Variants in LRRIQ1 observed in about 807,000 individuals in gnomAD.
LRRIQ1 encodes the protein leucine-rich repeat- and IQ domain-containing protein 1.
In LRRIQ1, 210 loss-of-function variants were observed where a neutral mutation model predicts 211.9. That is an observed-to-expected ratio of 0.99 (90% CI 0.89 to 1.11). LRRIQ1 has a LOEUF of 1.11. Among genes scored for constraint, LRRIQ1 ranks in the 50% most tolerant of loss-of-function variants. LRRIQ1 has a pLI of 0.00. For synonymous variants in LRRIQ1, 699 were observed against 650.1 expected (o/e 1.08, Z -1.14); for missense variants, 2,136 against 1,939.5 (o/e 1.10, Z -1.90).
Position 85,240,153 on chromosome 12 carries a change from A to G in LRRIQ1, c.5017-4636A>G, listed in dbSNP as rs149676679. On this transcript the variant is annotated intron_variant, in intron 26 of 26. Transcript: ENST00000393217. ...AGACACAATTCAGAAAATAAACAGA[A>G]ATGAAAAGTCAAACCACATTATCGG... 4.1e-3 allele frequency among the ~76,000 whole-genome samples: 619 copies of G among 152,248 alleles called. 2 individuals are homozygous for G. Among genetic ancestry groups the G allele is most frequent in the African/African-American group, 0.014 (589 of 41,550 alleles).
intron 11 of LRRIQ1, among the ~76,000 whole-genome samples, chr12:85,080,948 A>T (rs1379242419): frequency 1.3e-5 from 2 of 152,010 alleles, no homozygotes; most frequent in Non-Finnish European, 2.9e-5. Context: ...CTAGTATATT[A>T]TTATTTTCCT....
intron 16 of LRRIQ1, among the ~76,000 whole-genome samples, chr12:85,122,410 T>A (rs1248900225): frequency 6.6e-6 from 1 of 152,108 alleles, no homozygotes. Flanking sequence ...GTAATCAGAA[T>A]CAAATGTTGA....
At chr12:85,132,685 C>T (rs1054867708) in intron 18 of LRRIQ1, among the ~76,000 whole-genome samples, 4 of 151,702 alleles carry the variant, frequency 2.6e-5, no homozygotes, top group African/African-American at 9.7e-5. Flanking sequence ...TCTCTTGAGC[C>T]CGGATGGTCA....
chr12:85,118,197 G>T (rs1220612979), intron 15 of LRRIQ1, among the ~76,000 whole-genome samples: 1 of 152,014 alleles, frequency 6.6e-6, no homozygotes, highest in Admixed American at 6.6e-5. Context: ...ATTCCTTTGT[G>T]GCAAATAGGG....
intron 24 of LRRIQ1, among the ~76,000 whole-genome samples, chr12:85,188,722 A>G (rs989286472): frequency 5.3e-5 from 8 of 152,108 alleles, no homozygotes; most frequent in African/African-American, 1.7e-4. Context: ...CAAGTTTACA[A>G]TATTAAGTAA....
intron 11 of LRRIQ1, among the ~76,000 whole-genome samples, chr12:85,084,945 A>G (rs2136190664): frequency 6.6e-6 from 1 of 152,086 alleles, no homozygotes; most frequent in Admixed American, 6.6e-5. Flanking sequence ...AAAAAGAAGT[A>G]CAATGATTTA....
At chr12:85,266,252 G>A (rs1455979206), downstream of LRRIQ1, among the ~76,000 whole-genome samples, 1 of 152,028 alleles carries the variant, frequency 6.6e-6, no homozygotes, top group Non-Finnish European at 1.5e-5. Context: ...AGCACAATTT[G>A]CACTGTGATA....
intron 4 of LRRIQ1, among the ~76,000 whole-genome samples, chr12:85,045,203 T>C (rs891575362): frequency 3.4e-4 from 51 of 151,946 alleles, no homozygotes; most frequent in African/African-American, 1.2e-3. Flanking sequence ...TTTACAATAC[T>C]TTATAGTAGT....
chr12:85,047,126 A>G (rs959673378), intron 5 of LRRIQ1, 121 bp from the exon 6 acceptor site: 15 of 652,886 alleles, frequency 2.3e-5, no homozygotes, highest in South Asian at 2.2e-4. Flanking sequence ...CGTTGTGCAC[A>G]TGTACCCTAG....
chr12:85,157,051 T>A (rs1890590226), intron 23 of LRRIQ1, among the ~76,000 whole-genome samples: 1 of 151,854 alleles, frequency 6.6e-6, no homozygotes, highest in African/African-American at 2.4e-5. Context: ...TATGAGTCAA[T>A]AATATTTTAT....
Position 85,127,778 on chromosome 12 carries a change from T to G in LRRIQ1, c.4008-54T>G, listed in dbSNP as rs112288445. The G allele has an allele frequency of 1.4e-5, 21 of 1,487,022 alleles. 1 individual carries two copies. The highest frequency in any genetic ancestry group is 1.4e-4 in the African/African-American group (10 of 71,570). The allele number at this position is 1,487,022 out of a possible 1,614,324, so 92.1% of individuals were successfully genotyped here. On this transcript the variant is annotated intron_variant, in intron 17 of 26. Transcript: ENST00000393217. ...TTTAGGAGGACCTTTTATCTACAAC[T>G]CTGTATTTACAGATAATAAAAAAAG...
chr12:85,210,454 T>C (rs577071343), intron 24 of LRRIQ1, among the ~76,000 whole-genome samples: 1 of 152,344 alleles, frequency 6.6e-6, no homozygotes, highest in East Asian at 1.9e-4. Context: ...TGTTTTTCCA[T>C]TTTTGTTTTC....
Position 85,040,621 on chromosome 12 carries a change from G to C in LRRIQ1, c.244+20G>C. ...TTTTAAGTAAGTACTATTTTCATCT[G>C]TCTGGCAGATAAGCTTTCTGTAAGT... On this transcript the variant is annotated intron_variant, in intron 3 of 26. Coordinates refer to ENST00000393217, the MANE Select transcript of LRRIQ1 (RefSeq NM_001079910.2). 1 of 1,413,684 alleles carries C rather than the reference G, an allele frequency of 7.1e-7. No homozygotes were observed. Among genetic ancestry groups the C allele is most frequent in the Non-Finnish European group, 9.8e-7 (1 of 1,016,156 alleles). 87.6% of individuals were successfully genotyped at this position (1,413,684 alleles called of 1,614,324 possible). A position where few individuals can be genotyped will look rare whatever the true frequency, so the allele number is the denominator to read the frequency against.
At chr12:85,117,618 A>G (rs1887678203) in intron 15 of LRRIQ1, among the ~76,000 whole-genome samples, 1 of 152,182 alleles carries the variant, frequency 6.6e-6, no homozygotes, top group Non-Finnish European at 1.5e-5. Context: ...AAGAATTAGA[A>G]TAAACTGTGG....
chr12:85,180,902 C>A, intron 24 of LRRIQ1, among the ~76,000 whole-genome samples: 1 of 151,228 alleles, frequency 6.6e-6, no homozygotes, highest in South Asian at 2.1e-4. Flanking sequence ...CATAGTCAAT[C>A]AATTTTCAAT....
chr12:85,038,268 G>A lies in LRRIQ1; in HGVS notation c.92G>A (p.Ser31Asn). Reference sequence around the variant, plus strand: ...TCCTTGGAAAAAGAAGACATTGAGAGTGATGCAAAATCAGAAACCCAGAGT... The same window carrying A: ...TCCTTGGAAAAAGAAGACATTGAGAATGATGCAAAATCAGAAACCCAGAGT... ...ISSLEKEDIESDAKSETQSDD... is the reference protein window; with the variant it reads ...ISSLEKEDIENDAKSETQSDD... The change falls in exon 2 of 27, where the codon AGT becomes AAT. Residue 31 changes from serine (S) to asparagine (N), a missense_variant. Ser to Asn is a conservative substitution (Grantham distance 46). Coordinates refer to ENST00000393217, the MANE Select transcript of LRRIQ1 (RefSeq NM_001079910.2). 4.4e-6 allele frequency: 7 copies of A among 1,583,000 alleles called. No individual in the cohort carries two copies. The highest frequency in any genetic ancestry group is 6.0e-6 in the Non-Finnish European group (7 of 1,163,030).
Position 85,047,322 on chromosome 12 carries a change from A to G in LRRIQ1, c.530A>G (p.Lys177Arg). Reference protein sequence around the residue: ...CRQSFEAWQEKQKELEDKEKQ... With the variant: ...CRQSFEAWQERQKELEDKEKQ... ...CAGTCTTTTGAGGCTTGGCAAGAGA[A>G]ACAGAAGGAATTAGAAGATAAAGAG... Residue 177 changes from lysine to arginine, a missense_variant, in exon 6 of 27, where the codon AAA becomes AGA. Transcript: ENST00000393217. 6.2e-7 allele frequency: 1 copy of G among 1,612,246 alleles called. No homozygotes were observed. Among genetic ancestry groups the G allele is most frequent in the Non-Finnish European group, 8.5e-7 (1 of 1,179,010 alleles).
Position 85,157,826 on chromosome 12 carries a change from G to A in LRRIQ1, c.4721-2787G>A, listed in dbSNP as rs79884893. Among the ~76,000 whole-genome samples, 638 of 151,832 alleles carry A rather than the reference G, an allele frequency of 4.2e-3. 4 individuals carry two copies. Among genetic ancestry groups the A allele is most frequent in the African/African-American group, 0.015 (608 of 41,468 alleles). ...GCTGGTAAGAGGTTTAAGGAACATAGTACGAAGACCTAACATGGATTTTTT... is the reference window on the plus strand; with the variant it reads ...GCTGGTAAGAGGTTTAAGGAACATAATACGAAGACCTAACATGGATTTTTT... On this transcript the variant is annotated intron_variant, in intron 23 of 26. Coordinates refer to ENST00000393217, the MANE Select transcript of LRRIQ1 (RefSeq NM_001079910.2).
chr12:85,152,820 G>A (rs1312296630), intron 20 of LRRIQ1, among the ~76,000 whole-genome samples: 1 of 151,480 alleles, frequency 6.6e-6, no homozygotes, highest in East Asian at 1.9e-4. Context: ...TTTTCTATGT[G>A]AGAGCTATCC....
Sources: gnomAD v4.1 joint callset for allele counts (sites outside exome capture counted in the v4.1 genomes callset) on GRCh38, gnomAD v4.1.1 for gene constraint, MANE v1.5 for transcripts, NCBI Gene and HGNC (gene_info 2026-07-23, HGNC 2026-07-21) for gene names.